The following PTPRM variants were observed in gnomAD, a reference collection of about 807,000 sequenced individuals.
PTPRM encodes the protein receptor-type tyrosine-protein phosphatase mu.
In PTPRM, 47 loss-of-function variants were observed where a neutral mutation model predicts 186.7. The ratio of observed to expected loss-of-function variants is 0.25; its 90% CI spans 0.20 to 0.32. The LOEUF is 0.32. PTPRM is among the 10% of genes least tolerant of loss of function. PTPRM has a pLI of 1.00. For synonymous variants in PTPRM, 668 were observed against 674.9 expected, an observed-to-expected ratio of 0.99 and a Z score of 0.16; for missense variants, 1,494 against 1,865.0, an observed-to-expected ratio of 0.80 and a Z score of 3.66.
intron 22 of PTPRM, among the ~76,000 whole-genome samples, chr18:8,342,738 C>T (rs1334823379): frequency 6.6e-6 from 1 of 152,156 alleles, no homozygotes; most frequent in Non-Finnish European, 1.5e-5. Context: ...ACTTTCTTTA[C>T]CTGATTCTCT....
chr18:7,999,651 A>G (rs764620572), intron 7 of PTPRM, among the ~76,000 whole-genome samples: 4 of 151,882 alleles, frequency 2.6e-5, no homozygotes, highest in Non-Finnish European at 4.4e-5. Context: ...CAAAATACAC[A>G]ATTTTGCACC....
chr18:8,306,283 C>G (rs991348522), intron 20 of PTPRM, among the ~76,000 whole-genome samples: 4 of 152,160 alleles, frequency 2.6e-5, no homozygotes, highest in Non-Finnish European at 5.9e-5. Context: ...CCTCCCAGAA[C>G]TCCTAGGAAA....
At chr18:7,579,017 A>G (rs980438723) in intron 1 of PTPRM, among the ~76,000 whole-genome samples, 1 of 152,166 alleles carries the variant, frequency 6.6e-6, no homozygotes, top group African/African-American at 2.4e-5. Context: ...TCTGGGTCCA[A>G]GGCTTTGATA....
At position 8,101,114 on chromosome 18, in the gene PTPRM, T is replaced by C. The variant is rs571105421; in HGVS notation, c.1856+12263T>C. Among the ~76,000 whole-genome samples the C allele has an allele frequency of 2.0e-5, 3 of 152,326 alleles. No homozygotes were observed. The East Asian group carries it at 5.8e-4, about 29-fold the overall frequency. ...CATTGTTGGTAGGACTGTTTATAGA[T>C]AACAGCTCATTCCAGGGAGTAAAAG... On this transcript the variant is annotated intron_variant, in intron 11 of 32. Coordinates refer to ENST00000580170, the MANE Select transcript of PTPRM (RefSeq NM_001105244.2).
chr18:8,095,766 A>G (rs1345896171), intron 11 of PTPRM, among the ~76,000 whole-genome samples: 1 of 152,146 alleles, frequency 6.6e-6, no homozygotes, highest in Admixed American at 6.5e-5. Context: ...GAAATCAAAA[A>G]CACTTAGTCC....
chr18:7,577,550 C>T (rs546274609), intron 1 of PTPRM, among the ~76,000 whole-genome samples: 26 of 152,310 alleles, frequency 1.7e-4, no homozygotes, highest in Middle Eastern at 3.4e-3. Context: ...ATCATGATAA[C>T]ATCAGGCTCA....
chr18:8,246,324 G>A (rs1051160298), intron 15 of PTPRM, among the ~76,000 whole-genome samples: 1 of 152,110 alleles, frequency 6.6e-6, no homozygotes, highest in Non-Finnish European at 1.5e-5. Flanking sequence ...GGGGAAAAAC[G>A]AAATAGGAGA....
intron 1 of PTPRM, among the ~76,000 whole-genome samples, chr18:7,661,234 CAT>C (rs1217291242): frequency 6.6e-6 from 1 of 152,142 alleles, no homozygotes; most frequent in Non-Finnish European, 1.5e-5. Flanking sequence ...TCAGAATATT[CAT>C]ATTACGAGCT....
chr18:8,082,939 T>G (rs2145220550), intron 9 of PTPRM, among the ~76,000 whole-genome samples: 1 of 152,176 alleles, frequency 6.6e-6, no homozygotes, highest in Non-Finnish European at 1.5e-5. Context: ...AAGCCCAAAA[T>G]GGAACCTATC....
chr18:8,385,034 G>T (rs1432848577), intron 30 of PTPRM, among the ~76,000 whole-genome samples: 2 of 152,106 alleles, frequency 1.3e-5, no homozygotes, highest in Non-Finnish European at 2.9e-5. Context: ...CAGGGTGGGG[G>T]TCAGTGGATG....
intron 2 of PTPRM, among the ~76,000 whole-genome samples, chr18:7,781,939 C>T (rs968941306): frequency 9.2e-5 from 14 of 152,120 alleles, no homozygotes; most frequent in African/African-American, 3.4e-4. Context: ...GTAATATAAT[C>T]ACTAGTGAGC....
At chr18:7,948,543 A>C (rs2052711922) in intron 5 of PTPRM, among the ~76,000 whole-genome samples, 1 of 152,174 alleles carries the variant, frequency 6.6e-6, no homozygotes, top group Non-Finnish European at 1.5e-5. Context: ...CAGCTGTGGA[A>C]CTTTGTTTAT....
chr18:8,277,715 T>C (rs574443344), intron 19 of PTPRM, among the ~76,000 whole-genome samples: 1 of 152,354 alleles, frequency 6.6e-6, no homozygotes, highest in African/African-American at 2.4e-5. Context: ...AAAGTTTGTT[T>C]TCTGTGCCTG....
At chr18:8,092,527 GC>G (rs1261115567) in intron 11 of PTPRM, among the ~76,000 whole-genome samples, 1 of 152,080 alleles carries the variant, frequency 6.6e-6, no homozygotes, top group African/African-American at 2.4e-5. Flanking sequence ...CGATCCCCCT[GC>G]CTCAGCCTCC....
chr18:8,324,545 C>T (rs1235815865), intron 22 of PTPRM, among the ~76,000 whole-genome samples: 1 of 152,152 alleles, frequency 6.6e-6, no homozygotes, highest in Non-Finnish European at 1.5e-5. Context: ...GGCTGGGATC[C>T]AAATTCTTGT....
At chr18:7,842,868 A>T (rs966599790) in intron 2 of PTPRM, among the ~76,000 whole-genome samples, 1 of 114,444 alleles carries the variant, frequency 8.7e-6, no homozygotes, top group Non-Finnish European at 1.8e-5. Context: ...AAACATATAT[A>T]TATATATGTT....
chr18:7,623,011 G>T (rs1011145610), intron 1 of PTPRM, among the ~76,000 whole-genome samples: 1 of 152,060 alleles, frequency 6.6e-6, no homozygotes, highest in Non-Finnish European at 1.5e-5. Flanking sequence ...TGATTTTTCT[G>T]TGATTCTGGG....
intron 19 of PTPRM, among the ~76,000 whole-genome samples, chr18:8,280,397 TTG>T (rs1340618010): frequency 1.5e-5 from 1 of 66,514 alleles, no homozygotes; most frequent in Non-Finnish European, 3.1e-5. Flanking sequence ...TGATATGAAT[TTG>T]TGGTCGGGGG....
chr18:7,651,692 T>C (rs1460494097), intron 1 of PTPRM, among the ~76,000 whole-genome samples: 3 of 152,160 alleles, frequency 2.0e-5, no homozygotes, highest in African/African-American at 7.2e-5. Flanking sequence ...GAAAACTGGC[T>C]AGCCATATGT....
Sources: gnomAD v4.1 joint callset for allele counts (sites outside exome capture counted in the v4.1 genomes callset) on GRCh38, gnomAD v4.1.1 for gene constraint, MANE v1.5 for transcripts, NCBI Gene and HGNC (gene_info 2026-07-23, HGNC 2026-07-21) for gene names.